The following IGF2BP2 variants were observed in gnomAD, a reference collection of about 807,000 sequenced individuals.
The protein encoded by IGF2BP2 is insulin-like growth factor 2 mRNA-binding protein 2.
IGF2BP2 carries 17 observed loss-of-function variants against 75.8 expected under a neutral mutation model. The observed-to-expected ratio is 0.22, with a 90% CI of 0.15 to 0.34. IGF2BP2 has a LOEUF of 0.34. Among genes scored for constraint, IGF2BP2 ranks in the 10% least tolerant of loss-of-function variants. The pLI is 1.00. For missense variants in IGF2BP2, 516 were observed against 772.4 expected, an observed-to-expected ratio of 0.67 and a Z score of 3.93; for synonymous variants, 288 against 295.6, an observed-to-expected ratio of 0.97 and a Z score of 0.26.
intron 10 of IGF2BP2, 61 bp from the exon 11 acceptor site, chr3:185,658,470 G>T: frequency 2.8e-6 from 4 of 1,422,522 alleles, no homozygotes; most frequent in Non-Finnish European, 3.9e-6. Flanking sequence ...CTGGCCTCAG[G>T]GAGGCCAGAT....
intron 10 of IGF2BP2, among the ~76,000 whole-genome samples, chr3:185,665,458 A>G (rs372883444): frequency 0.13 from 8,670 of 66,170 alleles, 1,389 homozygotes; most frequent in Non-Finnish European, 0.16. Flanking sequence ...GGAGGAGGAG[A>G]AGAAGAAGAA....
At chr3:185,712,585 C>T (rs948285101) in intron 2 of IGF2BP2, 2 of 152,158 alleles carry the variant, frequency 1.3e-5, no homozygotes, top group South Asian at 4.2e-4. Context: ...ATGCCTCAGC[C>T]ATGAGACAGA....
At chr3:185,703,723 G>A (rs1578028826) in intron 2 of IGF2BP2, among the ~76,000 whole-genome samples, 1 of 152,116 alleles carries the variant, frequency 6.6e-6, no homozygotes, top group South Asian at 2.1e-4. Flanking sequence ...GCAGTGAGCC[G>A]AGACTGAGCC....
At chr3:185,712,821 G>C (rs1349002264) in intron 2 of IGF2BP2, among the ~76,000 whole-genome samples, 1 of 151,996 alleles carries the variant, frequency 6.6e-6, no homozygotes, top group African/African-American at 2.4e-5. Flanking sequence ...AAACTCCACT[G>C]TATTTTATAA....
intron 2 of IGF2BP2, among the ~76,000 whole-genome samples, chr3:185,738,305 C>T (rs1417377866): frequency 6.6e-6 from 1 of 152,172 alleles, no homozygotes; most frequent in Non-Finnish European, 1.5e-5. Context: ...GTCCCAGATC[C>T]TGCCTTTAAA....
intron 2 of IGF2BP2, among the ~76,000 whole-genome samples, chr3:185,787,593 C>T (rs1004176324): frequency 3.9e-5 from 6 of 152,046 alleles, no homozygotes; most frequent in African/African-American, 1.4e-4. Context: ...ATTAGCTGGG[C>T]GTGGTAGTGG....
intron 3 of IGF2BP2, among the ~76,000 whole-genome samples, chr3:185,697,816 C>G (rs1476506827): frequency 6.6e-6 from 1 of 152,196 alleles, no homozygotes; most frequent in East Asian, 1.9e-4. Flanking sequence ...AAAACCTCAT[C>G]TCTAAAAAAA....
intron 2 of IGF2BP2, among the ~76,000 whole-genome samples, chr3:185,752,003 C>T (rs1251611246): frequency 6.6e-6 from 1 of 152,044 alleles, no homozygotes; most frequent in Admixed American, 6.6e-5. Flanking sequence ...CTGATGAATG[C>T]TATTAGTTGT....
intron 2 of IGF2BP2, among the ~76,000 whole-genome samples, chr3:185,708,614 G>A (rs1646737909): frequency 6.6e-6 from 1 of 152,042 alleles, no homozygotes; most frequent in South Asian, 2.1e-4. Context: ...TACATGGAAG[G>A]GCCTGAGGGT....
intron 7 of IGF2BP2, among the ~76,000 whole-genome samples, chr3:185,677,068 T>TATATATATAGAGAGAG: frequency 1.7e-3 from 61 of 35,854 alleles, no homozygotes; most frequent in African/African-American, 4.1e-3. Flanking sequence ...TATATATATA[T>TATATATATAGAGAGAG]AGAGAGAGAG....
At chr3:185,646,356 G>A (rs1560217403) in intron 15 of IGF2BP2, among the ~76,000 whole-genome samples, 1 of 152,222 alleles carries the variant, frequency 6.6e-6, no homozygotes, top group East Asian at 1.9e-4. Context: ...ACAGGTGTTG[G>A]GAGAGCAGGC....
At chr3:185,675,994 T>C in intron 7 of IGF2BP2, 81 bp from the exon 8 acceptor site, 1 of 1,536,548 alleles carries the variant, frequency 6.5e-7, no homozygotes, top group South Asian at 1.2e-5. Context: ...GCTTTTTTCT[T>C]ATAAATGGAA....
At chr3:185,657,429 C>T in intron 11 of IGF2BP2, 27 bp from the exon 12 acceptor site, 2 of 1,549,902 alleles carry the variant, frequency 1.3e-6, no homozygotes, top group Non-Finnish European at 1.8e-6. Context: ...AGAAAGAAGA[C>T]ATCATTCCAA....
chr3:185,694,165 C>A (rs922426425), intron 4 of IGF2BP2, among the ~76,000 whole-genome samples: 1 of 152,142 alleles, frequency 6.6e-6, no homozygotes, highest in Non-Finnish European at 1.5e-5. Flanking sequence ...GTTCATAGCA[C>A]GCTTTAATTC....
intron 2 of IGF2BP2, among the ~76,000 whole-genome samples, chr3:185,770,245 T>C (rs1385336865): frequency 6.6e-6 from 1 of 152,156 alleles, no homozygotes; most frequent in African/African-American, 2.4e-5. Context: ...TGCTCTGTCA[T>C]AGCACACCAC....
intron 11 of IGF2BP2, among the ~76,000 whole-genome samples, chr3:185,658,113 C>T (rs573375606): frequency 3.9e-5 from 6 of 152,296 alleles, no homozygotes; most frequent in South Asian, 2.1e-4. Flanking sequence ...GTGAGGTGTG[C>T]GAGCATCCAC....
intron 2 of IGF2BP2, among the ~76,000 whole-genome samples, chr3:185,762,626 C>T (rs1016607800): frequency 2.0e-5 from 3 of 151,482 alleles, no homozygotes; most frequent in African/African-American, 7.3e-5. Flanking sequence ...TATTTGAATA[C>T]AGGTCAAATC....
At chr3:185,657,461 C>G in intron 11 of IGF2BP2, 59 bp from the exon 12 acceptor site, 1 of 1,318,030 alleles carries the variant, frequency 7.6e-7, no homozygotes, top group South Asian at 1.2e-5. Context: ...CCTCCAGGCA[C>G]TCAACAGGTA....
intron 12 of IGF2BP2, 98 bp downstream of exon 12, chr3:185,657,188 C>G: frequency 2.6e-6 from 2 of 758,456 alleles, no homozygotes; most frequent in East Asian, 2.5e-5. Flanking sequence ...GACTCTGTCT[C>G]TGCATGGTGT....
Sources: allele counts gnomAD v4.1 joint callset (sites outside exome capture counted in the v4.1 genomes callset), GRCh38; gene constraint gnomAD v4.1.1; transcripts MANE v1.5; gene names NCBI Gene and HGNC (gene_info 2026-07-23, HGNC 2026-07-21).